MRTFA: variants seen among roughly 807,000 people sequenced by gnomAD.
The protein encoded by MRTFA is myocardin related transcription factor A.
Under a neutral mutation model 83.5 loss-of-function variants are expected in MRTFA, and 20 were observed. That is an observed-to-expected ratio of 0.24 (90% confidence interval 0.17 to 0.35). MRTFA has a LOEUF of 0.35. Ranked by LOEUF, MRTFA falls within the 10% of genes least tolerant of loss-of-function variation. MRTFA has a pLI of 1.00. For synonymous variants in MRTFA, 659 were observed against 541.2 expected, an observed-to-expected ratio of 1.22 and a Z score of -3.02; for missense variants, 1,200 against 1,224.7, an observed-to-expected ratio of 0.98 and a Z score of 0.30.
At chr22:40,451,901 T>C (rs945536520) in intron 4 of MRTFA, among the ~76,000 whole-genome samples, 1 of 152,028 alleles carries the variant, frequency 6.6e-6, no homozygotes, top group African/African-American at 2.4e-5. Context: ...AGTGATCTGT[T>C]TAGAATACAA....
At position 40,612,525 on chromosome 22, in the gene MRTFA, G is replaced by A. The variant is rs558138527; in HGVS notation, c.-83-17790C>T. Among the ~76,000 whole-genome samples, 6 of 152,246 alleles carry A rather than the reference G, an allele frequency of 3.9e-5. No individual in the cohort carries two copies. The South Asian group carries it at 1.2e-3, about 32-fold the overall frequency. On this transcript the variant is annotated intron_variant, in intron 1 of 14. Coordinates refer to ENST00000355630, the MANE Select transcript of MRTFA (RefSeq NM_020831.6). ...TTAGTCCACAGAGTATTGACCTGGAGAGTACTTTTTAATCAACTTTGAAGT... is the reference window on the plus strand; with the variant it reads ...TTAGTCCACAGAGTATTGACCTGGAAAGTACTTTTTAATCAACTTTGAAGT...
At chr22:40,527,686 G>T (rs752684328) in intron 3 of MRTFA, among the ~76,000 whole-genome samples, 18 of 151,138 alleles carry the variant, frequency 1.2e-4, no homozygotes, top group Non-Finnish European at 2.5e-4. Flanking sequence ...GTGAACCCAG[G>T]AGGTGGAGCT....
intron 2 of MRTFA, among the ~76,000 whole-genome samples, chr22:40,561,489 TAA>T (rs58076826): frequency 2.1e-4 from 24 of 112,388 alleles, no homozygotes; most frequent in Admixed American, 1.8e-4. Context: ...AAACTATGTC[TAA>T]AAAAAAAAAA....
intron 13 of MRTFA, 142 bp from the exon 14 acceptor site, chr22:40,417,188 G>A (rs1602201696): frequency 1.5e-6 from 2 of 1,360,484 alleles, no homozygotes; most frequent in Non-Finnish European, 2.0e-6. Flanking sequence ...GACTCCTGGA[G>A]CCCGTCCCCT....
intron 3 of MRTFA, among the ~76,000 whole-genome samples, chr22:40,464,483 T>C (rs1332586239): frequency 6.7e-6 from 1 of 149,136 alleles, no homozygotes; most frequent in Non-Finnish European, 1.5e-5. Flanking sequence ...CACTCCAGCC[T>C]GGGCAACAGA....
At chr22:40,569,771 A>C (rs200742767) in intron 2 of MRTFA, 11,371 of 106,618 alleles carry the variant, frequency 0.11, 608 homozygotes, top group East Asian at 0.25. Context: ...ATACATACAT[A>C]CATACATCAA....
intron 3 of MRTFA, among the ~76,000 whole-genome samples, chr22:40,516,641 G>A (rs532237814): frequency 6.6e-6 from 1 of 151,984 alleles, no homozygotes; most frequent in East Asian, 1.9e-4. Context: ...TCTAATGTAC[G>A]TTTATGGCAA....
chr22:40,429,463 C>T (rs1270914161), intron 7 of MRTFA, 143 bp downstream of exon 7: 2 of 948,248 alleles, frequency 2.1e-6, no homozygotes, highest in South Asian at 2.8e-5. Flanking sequence ...CTCTCAAACT[C>T]TGTGCCTTGG....
Position 40,417,423 on chromosome 22 carries a change from G to A in MRTFA, c.2435C>T (p.Pro812Leu), listed in dbSNP as rs765531581. 13 of 1,609,208 alleles carry A rather than the reference G, an allele frequency of 8.1e-6. No homozygotes were observed. The East Asian group carries it at 2.7e-4, about 33-fold the overall frequency. Residue 812 changes from proline (P) to leucine (L), a missense_variant, in exon 13 of 15, where the codon CCC (proline) becomes CTC (leucine). By Grantham distance (98) the Pro-to-Leu change is moderately conservative. Coordinates refer to ENST00000355630, the MANE Select transcript of MRTFA (RefSeq NM_020831.6). ...CAGAGAAGTGGGGGTCCCAAAGAGGGGCTGCAGTGGGTGCTCCAGGTCCAT... is the reference window on the plus strand; with the variant it reads ...CAGAGAAGTGGGGGTCCCAAAGAGGAGCTGCAGTGGGTGCTCCAGGTCCAT...
chr22:40,615,995 T>C, intron 1 of MRTFA, among the ~76,000 whole-genome samples: 1 of 152,248 alleles, frequency 6.6e-6, no homozygotes, highest in Admixed American at 6.5e-5. Flanking sequence ...AATATTTTCA[T>C]TTAATTATTT....
At chr22:40,615,690 T>TC (rs1326797543) in intron 1 of MRTFA, among the ~76,000 whole-genome samples, 3 of 151,540 alleles carry the variant, frequency 2.0e-5, no homozygotes, top group Admixed American at 6.6e-5. Context: ...TCTTTTCTTT[T>TC]TTTTTTTTTT....
intron 2 of MRTFA, among the ~76,000 whole-genome samples, chr22:40,583,494 A>C (rs1424933873): frequency 1.3e-5 from 2 of 152,226 alleles, no homozygotes; most frequent in Admixed American, 1.3e-4. Context: ...CAATTCAAGG[A>C]AAGCACAGTA....
chr22:40,635,094 C>T (rs2056680470), intron 1 of MRTFA, among the ~76,000 whole-genome samples: 1 of 152,026 alleles, frequency 6.6e-6, no homozygotes, highest in African/African-American at 2.4e-5. Context: ...TAAATCATTT[C>T]AATAAGAAAC....
intron 2 of MRTFA, among the ~76,000 whole-genome samples, chr22:40,591,252 G>A (rs1254213237): frequency 6.6e-6 from 1 of 151,166 alleles, no homozygotes; most frequent in Non-Finnish European, 1.5e-5. Flanking sequence ...ACTCCGGCCT[G>A]GGCAAAAGAG....
intron 3 of MRTFA, among the ~76,000 whole-genome samples, chr22:40,534,055 G>A (rs2055126635): frequency 6.6e-6 from 1 of 152,134 alleles, no homozygotes; most frequent in Non-Finnish European, 1.5e-5. Flanking sequence ...CAGTTTAGTG[G>A]AACAGATTAA....
intron 3 of MRTFA, among the ~76,000 whole-genome samples, chr22:40,502,165 C>T (rs1176480357): frequency 2.7e-5 from 4 of 146,042 alleles, no homozygotes; most frequent in African/African-American, 7.6e-5. Context: ...GGGCTGACCC[C>T]CCCCACCTCC....
At chr22:40,489,537 T>C (rs1024907023) in intron 3 of MRTFA, among the ~76,000 whole-genome samples, 1 of 151,868 alleles carries the variant, frequency 6.6e-6, no homozygotes, top group African/African-American at 2.4e-5. Flanking sequence ...GGTCTCGAAA[T>C]GCTGGGCTAA....
At chr22:40,428,806 A>G (rs1273197479) in intron 7 of MRTFA, among the ~76,000 whole-genome samples, 1 of 151,876 alleles carries the variant, frequency 6.6e-6, no homozygotes, top group Non-Finnish European at 1.5e-5. Context: ...CTGGCCTCCC[A>G]CCTCTCATCT....
At chr22:40,414,168 G>GA (rs2147055919) in intron 14 of MRTFA, among the ~76,000 whole-genome samples, 1 of 152,154 alleles carries the variant, frequency 6.6e-6, no homozygotes, top group Admixed American at 6.5e-5. Context: ...GTGAAACCCC[G>GA]TCTCTACTAA....
Sources: gnomAD v4.1 joint callset for allele counts (sites outside exome capture counted in the v4.1 genomes callset) on GRCh38, gnomAD v4.1.1 for gene constraint, MANE v1.5 for transcripts, NCBI Gene and HGNC (gene_info 2026-07-23, HGNC 2026-07-21) for gene names.